Variants in SLC25A13 observed in about 807,000 individuals in gnomAD.
SLC25A13 encodes the protein solute carrier family 25 member 13.
Under a neutral mutation model 85.5 loss-of-function variants are expected in SLC25A13, and 70 were observed. That is an observed-to-expected ratio of 0.82 (90% CI 0.68 to 1.00). The LOEUF (loss-of-function observed/expected upper bound fraction) is 1.00, where lower values mean the gene tolerates loss of function less well. Among genes scored for constraint, SLC25A13 ranks in the 50% least tolerant of loss-of-function variants. The pLI, the probability that SLC25A13 is intolerant of heterozygous loss-of-function variation, is 0.00. For missense variants in SLC25A13, 765 were observed against 819.8 expected, an observed-to-expected ratio of 0.93 and a Z score of 0.82; for synonymous variants, 259 against 288.7, an observed-to-expected ratio of 0.90 and a Z score of 1.04.
At chr7:96,173,579 C>G (rs77588418) in intron 11 of SLC25A13, among the ~76,000 whole-genome samples, 5 of 152,104 alleles carry the variant, frequency 3.3e-5, no homozygotes, top group Non-Finnish European at 4.4e-5. Flanking sequence ...TGTTTTTTCT[C>G]ATTTTTTATT....
At chr7:96,220,127 T>C (rs150993981) in intron 4 of SLC25A13, among the ~76,000 whole-genome samples, 20 of 152,340 alleles carry the variant, frequency 1.3e-4, no homozygotes, top group African/African-American at 4.3e-4. Flanking sequence ...TAACTTTCAT[T>C]ACCACTAGAG....
chr7:96,121,100 TA>T lies in SLC25A13; in HGVS notation c.*90del. 7.2e-7 allele frequency: 1 copy of T among 1,388,408 alleles called. No homozygotes were observed. Among genetic ancestry groups the T allele is most frequent in the Non-Finnish European group, 1.0e-6 (1 of 977,174 alleles). 86.0% of individuals were successfully genotyped at this position (1,388,408 alleles called of 1,614,324 possible). A position where few individuals can be genotyped will look rare whatever the true frequency, so the allele number is the denominator to read the frequency against. On this transcript the variant is annotated 3_prime_UTR_variant, in exon 18 of 18. Transcript: ENST00000265631. ...CTTGAATTTAAACAAGAGATGGACGTAAAAGGGATGAAGCATTGCTTCATTC... is the reference window on the plus strand; with the variant it reads ...CTTGAATTTAAACAAGAGATGGACGTAAAGGGATGAAGCATTGCTTCATTC...
At chr7:96,264,168 C>T (rs980768519) in intron 3 of SLC25A13, among the ~76,000 whole-genome samples, 1 of 152,152 alleles carries the variant, frequency 6.6e-6, no homozygotes, top group African/African-American at 2.4e-5. Flanking sequence ...ACATCCAACC[C>T]TTACTACCTG....
chr7:96,237,941 A>G (rs1286763523), intron 3 of SLC25A13, among the ~76,000 whole-genome samples: 1 of 152,210 alleles, frequency 6.6e-6, no homozygotes, highest in East Asian at 1.9e-4. Flanking sequence ...TGGGACATGT[A>G]GTACAGTGTC....
intron 4 of SLC25A13, among the ~76,000 whole-genome samples, chr7:96,218,297 C>A (rs903320353): frequency 4.6e-5 from 7 of 152,056 alleles, no homozygotes; most frequent in African/African-American, 7.2e-5. Flanking sequence ...GAAAAGTGAT[C>A]AAAAACTAAG....
chr7:96,300,722 TCAC>T (rs1799519881), intron 1 of SLC25A13, among the ~76,000 whole-genome samples: 1 of 152,162 alleles, frequency 6.6e-6, no homozygotes, highest in Non-Finnish European at 1.5e-5. Flanking sequence ...TGGTTAATGA[TCAC>T]CACAAGATTT....
intron 3 of SLC25A13, among the ~76,000 whole-genome samples, chr7:96,267,383 A>G (rs1268823859): frequency 1.3e-5 from 2 of 152,246 alleles, no homozygotes; most frequent in Non-Finnish European, 2.9e-5. Context: ...AAGGCAGAGA[A>G]CATGCTTTAT....
rs10522412 is a variant in SLC25A13 at position 96,134,793 on chromosome 7, T to TTA, written c.1453-2914_1453-2913dup. ...TTAAAAACCAAACATACAAACAATTTTATATATATATATATATATAACCCT... is the reference window on the plus strand; with the variant it reads ...TTAAAAACCAAACATACAAACAATTTTATATATATATATATATATATAACCCT... On this transcript the variant is annotated intron_variant, in intron 14 of 17. Coordinates refer to ENST00000265631, the MANE Select transcript of SLC25A13 (RefSeq NM_014251.3). Among the ~76,000 whole-genome samples, 465 of 102,194 alleles carry TTA rather than the reference T, an allele frequency of 4.6e-3. 36 individuals carry two copies. Among genetic ancestry groups the TTA allele is most frequent in the South Asian group, 9.9e-3 (25 of 2,536 alleles). 67.0% of individuals were successfully genotyped at this position (102,194 alleles called of 152,430 possible).
chr7:96,221,694 C>T (rs1048163541), intron 4 of SLC25A13, among the ~76,000 whole-genome samples: 4 of 152,170 alleles, frequency 2.6e-5, no homozygotes, highest in Non-Finnish European at 4.4e-5. Context: ...TGCTTAACTT[C>T]GAAACTTCTC....
chr7:96,163,027 AAG>A (rs1793574795), intron 13 of SLC25A13, among the ~76,000 whole-genome samples: 1 of 152,178 alleles, frequency 6.6e-6, no homozygotes, highest in African/African-American at 2.4e-5. Context: ...TCACAAGGTG[AAG>A]GGCAATGAAG....
In SLC25A13 at chr7:96,189,280, T is replaced by A. The variant is rs1264700811; in HGVS notation, c.933+14A>T. ...AGGAAACCCCAGAATGCAAGTTTGCTCCTCTTTGCTCACCTGCCTCTGGGC... is the reference window on the plus strand; with the variant it reads ...AGGAAACCCCAGAATGCAAGTTTGCACCTCTTTGCTCACCTGCCTCTGGGC... On this transcript the variant is annotated intron_variant, in intron 9 of 17. Transcript: ENST00000265631. The A allele has an allele frequency of 6.2e-7, 1 of 1,612,728 alleles. No individual in the cohort carries two copies. The highest frequency in any genetic ancestry group is 8.5e-7 in the Non-Finnish European group (1 of 1,179,142).
chr7:96,250,583 C>A (rs1250150846), intron 3 of SLC25A13, among the ~76,000 whole-genome samples: 1 of 151,958 alleles, frequency 6.6e-6, no homozygotes, highest in Non-Finnish European at 1.5e-5. Context: ...GAATCTAATC[C>A]TATATATAGG....
At chr7:96,319,161 T>C (rs1800237469) in intron 1 of SLC25A13, among the ~76,000 whole-genome samples, 1 of 152,206 alleles carries the variant, frequency 6.6e-6, no homozygotes, top group South Asian at 2.1e-4. Context: ...TGAGTTATAA[T>C]GAAGGACATG....
chr7:96,320,082 G>T (rs970888140), intron 1 of SLC25A13, among the ~76,000 whole-genome samples: 3 of 152,218 alleles, frequency 2.0e-5, no homozygotes, highest in Non-Finnish European at 4.4e-5. Flanking sequence ...TCGGCTCACT[G>T]CAATCTCCGC....
intron 3 of SLC25A13, among the ~76,000 whole-genome samples, chr7:96,275,226 C>A (rs545954707): frequency 5.3e-5 from 8 of 152,228 alleles, no homozygotes; most frequent in African/African-American, 1.7e-4. Context: ...ATTAAAAAGT[C>A]AGGAAACAAC....
intron 1 of SLC25A13, among the ~76,000 whole-genome samples, chr7:96,317,430 A>G (rs1253205828): frequency 6.6e-6 from 1 of 152,020 alleles, no homozygotes; most frequent in African/African-American, 2.4e-5. Context: ...AATGAAACAC[A>G]TTTGGAACTG....
intron 1 of SLC25A13, among the ~76,000 whole-genome samples, chr7:96,297,332 C>T (rs1244167027): frequency 6.6e-6 from 1 of 151,666 alleles, no homozygotes. Flanking sequence ...TGCAAGAGAA[C>T]ATATTTCTTT....
At chr7:96,261,078 T>C (rs1446682609) in intron 3 of SLC25A13, among the ~76,000 whole-genome samples, 1 of 152,154 alleles carries the variant, frequency 6.6e-6, no homozygotes, top group African/African-American at 2.4e-5. Context: ...TCAGGCTCTT[T>C]GCACCTGTTA....
intron 12 of SLC25A13, 52 bp downstream of exon 12, chr7:96,171,420 C>CTTGAGTATG: frequency 6.6e-7 from 1 of 1,505,776 alleles, no homozygotes; most frequent in South Asian, 1.1e-5. Flanking sequence ...CTGCTAGATT[C>CTTGAGTATG]TTGAGTATGT....
Sources: allele counts gnomAD v4.1 joint callset (sites outside exome capture counted in the v4.1 genomes callset), GRCh38; gene constraint gnomAD v4.1.1; transcripts MANE v1.5; gene names NCBI Gene and HGNC (gene_info 2026-07-23, HGNC 2026-07-21).